The following TNRC6A variants were observed in gnomAD, a reference collection of about 807,000 sequenced individuals.
TNRC6A encodes the protein trinucleotide repeat containing adaptor 6A, also known as trinucleotide repeat-containing gene 6A protein.
Under a neutral mutation model 221.2 loss-of-function variants are expected in TNRC6A, and 44 were observed. The observed-to-expected ratio is 0.20, with a 90% CI of 0.16 to 0.26. TNRC6A has a LOEUF of 0.26. TNRC6A is among the 10% of genes least tolerant of loss of function. The probability of loss-of-function intolerance (pLI) is 1.00; values close to 1 mark genes in which losing one functional copy is unlikely to be tolerated. For missense variants in TNRC6A, 2,199 were observed against 2,404.4 expected, an observed-to-expected ratio of 0.91 and a Z score of 1.79; for synonymous variants, 847 against 838.5, an observed-to-expected ratio of 1.01 and a Z score of -0.18.
At chr16:24,633,009 C>CG (rs1326970306) in intron 1 of TNRC6A, among the ~76,000 whole-genome samples, 3 of 79,118 alleles carry the variant, frequency 3.8e-5, no homozygotes, top group South Asian at 4.6e-4. Context: ...AACTCAGTCT[C>CG]GAAAAAAAAA....
At chr16:24,746,470 A>G (rs1043089809) in intron 2 of TNRC6A, among the ~76,000 whole-genome samples, 32 of 152,248 alleles carry the variant, frequency 2.1e-4, no homozygotes, top group African/African-American at 6.7e-4. Flanking sequence ...GGTTCTGTAC[A>G]CTATGGAAAT....
At chr16:24,682,678 T>G (rs1337152759) in intron 2 of TNRC6A, among the ~76,000 whole-genome samples, 3 of 152,030 alleles carry the variant, frequency 2.0e-5, no homozygotes, top group Admixed American at 2.0e-4. Flanking sequence ...GAGAAGCCTA[T>G]AGAGAGAGGG....
intron 1 of TNRC6A, among the ~76,000 whole-genome samples, chr16:24,637,145 G>A (rs954822128): frequency 1.4e-4 from 22 of 152,156 alleles, no homozygotes; most frequent in African/African-American, 3.1e-4. Flanking sequence ...TGATCCTCCC[G>A]TCTCAGCCTC....
Position 24,789,979 on chromosome 16 carries a change from T to C in TNRC6A, c.1337T>C (p.Ile446Thr), listed in dbSNP as rs370982742. Residue 446 changes from isoleucine (I) to threonine (T), a missense_variant, in exon 6 of 25, where the codon ATT becomes ACT. Around this residue, in one of 8 missense-constraint regions of TNRC6A, gnomAD observed 1,405 missense variants for 1,400.2 expected, o/e 1.00. Coordinates refer to ENST00000395799, the MANE Select transcript of TNRC6A (RefSeq NM_014494.4). ...TCATTCAGTGGTCAACCTCAAAATA[T>C]TACCACTGAAATGACTGGACCAAAT... is the stretch of plus-strand genomic sequence containing the variant. ...KVSFSGQPQN[I>T]TTEMTGPNNT... The C allele has an allele frequency of 1.2e-5, 20 of 1,614,042 alleles. No homozygotes were observed. In the African/African-American group the frequency reaches 2.7e-4, roughly 22 times the overall value.
chr16:24,793,260 G>A, intron 6 of TNRC6A: 1 of 364,130 alleles, frequency 2.7e-6, no homozygotes, highest in Non-Finnish European at 4.8e-6. Flanking sequence ...TATGAAAAAA[G>A]TTAAAAAAAT....
At chr16:24,810,903 C>A (rs2058529308) in intron 18 of TNRC6A, among the ~76,000 whole-genome samples, 1 of 152,310 alleles carries the variant, frequency 6.6e-6, no homozygotes. Context: ...AGCTTGGTAA[C>A]TCACTTAACT....
Position 24,706,979 on chromosome 16 carries a change from T to TTTATTTATTTATTTA in TNRC6A, n.403-43745_403-43744insATTTATTTATTTATT, listed in dbSNP as rs1555492075. Among the ~76,000 whole-genome samples the TTTATTTATTTATTTA allele has an allele frequency of 1.6e-3, 229 of 140,502 alleles. 1 individual carries two copies. In the East Asian group the frequency reaches 0.024, roughly 15 times the overall value. 92.2% of individuals were successfully genotyped at this position (140,502 alleles called of 152,430 possible). A position where few individuals can be genotyped will look rare whatever the true frequency, so the allele number is the denominator to read the frequency against. On this transcript the variant is annotated intron_variant and non_coding_transcript_variant, in intron 2 of 2. Coordinates refer to the TNRC6A transcript ENST00000566108. ...ACGATGTATTTATTTATTTATCTAT[T>TTTATTTATTTATTTA]TTTATTTATGTATTTATTTATTTAT...
chr16:24,732,114 A>G (rs1165825834), intron 2 of TNRC6A, among the ~76,000 whole-genome samples: 1 of 152,226 alleles, frequency 6.6e-6, no homozygotes, highest in African/African-American at 2.4e-5. Context: ...AAAAACAAAT[A>G]TCAAAGAGAT....
intron 4 of TNRC6A, among the ~76,000 whole-genome samples, chr16:24,765,321 T>C (rs1596649349): frequency 2.0e-5 from 3 of 152,176 alleles, no homozygotes; most frequent in Admixed American, 2.0e-4. Flanking sequence ...AAAATGATAC[T>C]TGCAGGGCCA....
intron 1 of TNRC6A, among the ~76,000 whole-genome samples, chr16:24,618,979 A>G (rs1481489092): frequency 6.6e-6 from 1 of 152,168 alleles, no homozygotes; most frequent in African/African-American, 2.4e-5. Context: ...TATAAAAGCT[A>G]TAAATAATAA....
rs1278940799 is a variant in TNRC6A at position 24,825,207 on chromosome 16, T to G, written c.*1400T>G. ...AACTTTCTTTCCTCCCCCCTTTTTT[T>G]GCCCACAAATGGTATTATAATGCTT... On this transcript the variant is annotated 3_prime_UTR_variant, in exon 25 of 25. Coordinates refer to ENST00000395799, the MANE Select transcript of TNRC6A (RefSeq NM_014494.4). The G allele has an allele frequency of 6.6e-6, 1 of 152,666 alleles. No homozygotes were observed. The highest frequency in any genetic ancestry group is 6.5e-5 in the Admixed American group (1 of 15,284). 9.5% of individuals were successfully genotyped at this position (152,666 alleles called of 1,614,324 possible). A position where few individuals can be genotyped will look rare whatever the true frequency, so the allele number is the denominator to read the frequency against.
intron 7 of TNRC6A, 127 bp downstream of exon 7, chr16:24,793,776 G>C: frequency 1.2e-6 from 1 of 834,296 alleles, no homozygotes; most frequent in Non-Finnish European, 1.6e-6. Flanking sequence ...CATGATAGAT[G>C]ATGTTCAGTA....
intron 2 of TNRC6A, among the ~76,000 whole-genome samples, chr16:24,690,028 T>A (rs796235987): frequency 3.2e-3 from 349 of 109,438 alleles, no homozygotes; most frequent in East Asian, 0.016. Flanking sequence ...AAAAAAAAAA[T>A]TTTTTTTTTT....
upstream of TNRC6A, among the ~76,000 whole-genome samples, chr16:24,728,870 A>C (rs1415044010): frequency 6.6e-6 from 1 of 151,934 alleles, no homozygotes; most frequent in African/African-American, 2.4e-5. Flanking sequence ...CTGCTTTTTC[A>C]TTTATTCTAT....
intron 1 of TNRC6A, among the ~76,000 whole-genome samples, chr16:24,639,681 G>A (rs1329518885): frequency 2.6e-5 from 4 of 151,872 alleles, no homozygotes; most frequent in African/African-American, 9.7e-5. Flanking sequence ...TCGCTCTATC[G>A]CCCAGGCTTG....
chr16:24,690,010 A>G (rs946043438), intron 2 of TNRC6A, among the ~76,000 whole-genome samples: 1 of 56,872 alleles, frequency 1.8e-5, no homozygotes, highest in African/African-American at 1.2e-4. Flanking sequence ...AAAAAAAAAA[A>G]AAAAAAAAAA....
chr16:24,780,402 C>T (rs1467203380), intron 5 of TNRC6A, among the ~76,000 whole-genome samples: 1 of 152,178 alleles, frequency 6.6e-6, no homozygotes, highest in African/African-American at 2.4e-5. Context: ...TCCTATACAA[C>T]CACAATACCA....
intron 2 of TNRC6A, among the ~76,000 whole-genome samples, chr16:24,713,559 T>C (rs2056252522): frequency 6.6e-6 from 1 of 152,228 alleles, no homozygotes; most frequent in South Asian, 2.1e-4. Context: ...GCTGTCATCC[T>C]TACCTTTACT....
intron 2 of TNRC6A, among the ~76,000 whole-genome samples, chr16:24,703,092 T>C (rs1188622213): frequency 4.0e-5 from 6 of 151,302 alleles, no homozygotes; most frequent in Non-Finnish European, 7.4e-5. Context: ...TCCAATTCAA[T>C]GGTGTTTAAT....
Sources: allele counts gnomAD v4.1 joint callset (sites outside exome capture counted in the v4.1 genomes callset), GRCh38; gene constraint gnomAD v4.1.1; regional missense constraint gnomAD v4.1.1; transcripts MANE v1.5; gene names NCBI Gene and HGNC (gene_info 2026-07-23, HGNC 2026-07-21).